The following RBPJ variants were observed in gnomAD, a reference collection of about 807,000 sequenced individuals.
RBPJ encodes the protein recombining binding protein suppressor of hairless.
A neutral mutation model predicts 67.8 loss-of-function variants in RBPJ; 9 were observed. The ratio of observed to expected loss-of-function variants is 0.13; its 90% confidence interval spans 0.08 to 0.23. The LOEUF (loss-of-function observed/expected upper bound fraction) is 0.23, where lower values mean the gene tolerates loss of function less well. Among genes scored for constraint, RBPJ ranks in the 10% least tolerant of loss-of-function variants. The pLI is 1.00. For missense variants in RBPJ, 305 were observed against 595.6 expected (o/e 0.51, Z 5.08); for synonymous variants, 198 against 203.3 (o/e 0.97, Z 0.22).
At chr4:26,283,813 A>C (rs1721366478) in intron 1 of RBPJ, among the ~76,000 whole-genome samples, 2 of 151,958 alleles carry the variant, frequency 1.3e-5, no homozygotes, top group South Asian at 4.2e-4. Flanking sequence ...TGCCTAGCTA[A>C]TTTCGTACTT....
At chr4:26,108,103 T>C in the RBPJ span, among the ~76,000 whole-genome samples, 2 of 152,340 alleles carry the variant, frequency 1.3e-5, no homozygotes, top group African/African-American at 2.4e-5. Flanking sequence ...AAATGGGCCA[T>C]GGAGACAGTT....
the RBPJ span, among the ~76,000 whole-genome samples, chr4:26,139,338 T>TA: frequency 1.3e-5 from 2 of 152,070 alleles, no homozygotes; most frequent in Non-Finnish European, 2.9e-5. Flanking sequence ...TATTGGGTAC[T>TA]AAAAAAAAGC....
intron 1 of RBPJ, among the ~76,000 whole-genome samples, chr4:26,231,212 A>G (rs1719271742): frequency 6.6e-6 from 1 of 152,182 alleles, no homozygotes; most frequent in Non-Finnish European, 1.5e-5. Context: ...AGCCTCAAGG[A>G]GCTGACAGGT....
At chr4:26,141,275 A>G in the RBPJ span, among the ~76,000 whole-genome samples, 2 of 152,220 alleles carry the variant, frequency 1.3e-5, no homozygotes, top group East Asian at 3.8e-4. Context: ...GGCCTCTCTA[A>G]CCCAGCACTA....
At chr4:26,115,600 G>T in the RBPJ span, among the ~76,000 whole-genome samples, 1 of 152,102 alleles carries the variant, frequency 6.6e-6, no homozygotes, top group African/African-American at 2.4e-5. Context: ...TAGCCAGGAT[G>T]GTCTCGATTT....
intron 1 of RBPJ, among the ~76,000 whole-genome samples, chr4:26,189,993 T>C (rs1717420568): frequency 6.6e-6 from 1 of 152,130 alleles, no homozygotes; most frequent in Non-Finnish European, 1.5e-5. Flanking sequence ...CCATTCATAA[T>C]AAAATTCAAA....
intron 1 of RBPJ, among the ~76,000 whole-genome samples, chr4:26,311,524 G>A (rs1297358144): frequency 6.6e-6 from 1 of 150,884 alleles, no homozygotes; most frequent in Non-Finnish European, 1.5e-5. Flanking sequence ...GGGTGAGAGA[G>A]AGAGACTCGG....
chr4:26,114,125 T>C, the RBPJ span, among the ~76,000 whole-genome samples: 44,068 of 151,984 alleles, frequency 0.29, 6,841 homozygotes, highest in African/African-American at 0.33. Context: ...ATCTTCATAG[T>C]AGAATCTGAA....
At chr4:26,364,858 C>A (rs1220170840) in intron 1 of RBPJ, among the ~76,000 whole-genome samples, 1 of 151,746 alleles carries the variant, frequency 6.6e-6, no homozygotes, top group African/African-American at 2.4e-5. Flanking sequence ...AACTCCTGAT[C>A]TGCCCATGTC....
intron 1 of RBPJ, among the ~76,000 whole-genome samples, chr4:26,171,919 C>T (rs560810875): frequency 2.2e-4 from 33 of 152,306 alleles, no homozygotes; most frequent in South Asian, 2.1e-3. Flanking sequence ...CTGTTAGGTC[C>T]GTTCTGATGT....
At chr4:26,268,018 G>T (rs1720759636) in intron 1 of RBPJ, among the ~76,000 whole-genome samples, 1 of 151,948 alleles carries the variant, frequency 6.6e-6, no homozygotes, top group Non-Finnish European at 1.5e-5. Context: ...AAATAAAAAT[G>T]ATTTTTTTTA....
intron 3 of RBPJ, among the ~76,000 whole-genome samples, chr4:26,410,899 G>T (rs1456521106): frequency 6.6e-6 from 1 of 152,206 alleles, no homozygotes; most frequent in Non-Finnish European, 1.5e-5. Context: ...CCACCAAGTG[G>T]CAGAGAAAGT....
At chr4:26,273,037 A>G (rs1720965672) in intron 1 of RBPJ, among the ~76,000 whole-genome samples, 1 of 152,198 alleles carries the variant, frequency 6.6e-6, no homozygotes, top group Admixed American at 6.5e-5. Context: ...GTTTTTCAAA[A>G]CAACAGACCA....
chr4:26,320,812 C>A, upstream of RBPJ: 1 of 1,558,256 alleles, frequency 6.4e-7, no homozygotes, highest in Non-Finnish European at 8.7e-7. Context: ...GCTCCATCGC[C>A]TGGGTAGGTT....
At position 26,187,645 on chromosome 4, in the gene RBPJ, G is replaced by T. The variant is rs182213469; in HGVS notation, c.-167+24031G>T. ...TCATGAATAACTGTTACACACTACT[G>T]GAAAGAGAGGAGGTTTAGAACAATT... On this transcript the variant is annotated intron_variant, in intron 1 of 4. Coordinates refer to the RBPJ transcript ENST00000512351. Among the ~76,000 whole-genome samples the T allele has an allele frequency of 2.9e-4, 44 of 152,264 alleles. 1 individual carries two copies. The East Asian group carries it at 8.1e-3, about 28-fold the overall frequency.
chr4:26,194,658 C>A (rs1255672125), intron 1 of RBPJ, among the ~76,000 whole-genome samples: 1 of 152,262 alleles, frequency 6.6e-6, no homozygotes, highest in Non-Finnish European at 1.5e-5. Context: ...CTCCTCTGAG[C>A]TAGCACAGTT....
chr4:26,370,307 T>G (rs1245011770), intron 1 of RBPJ, among the ~76,000 whole-genome samples: 1 of 152,222 alleles, frequency 6.6e-6, no homozygotes, highest in African/African-American at 2.4e-5. Context: ...CTTTTCAATC[T>G]GAAATTCTTC....
At chr4:26,173,385 C>T (rs1577434863) in intron 1 of RBPJ, among the ~76,000 whole-genome samples, 2 of 152,290 alleles carry the variant, frequency 1.3e-5, no homozygotes, top group South Asian at 4.1e-4. Flanking sequence ...ATCTGCCCAC[C>T]TCGGCCTCCC....
the RBPJ span, among the ~76,000 whole-genome samples, chr4:26,153,094 A>C: frequency 6.6e-6 from 1 of 152,250 alleles, no homozygotes; most frequent in Admixed American, 6.5e-5. Flanking sequence ...AATTTTACAC[A>C]GTATCTTAAA....
Sources: allele counts gnomAD v4.1 joint callset (sites outside exome capture counted in the v4.1 genomes callset), GRCh38; gene constraint gnomAD v4.1.1; transcripts MANE v1.5; gene names NCBI Gene and HGNC (gene_info 2026-07-23, HGNC 2026-07-21).